PTBP2: variants seen among roughly 807,000 people sequenced by gnomAD.
PTBP2 encodes polypyrimidine tract binding protein 2.
A neutral mutation model predicts 61.4 loss-of-function variants in PTBP2; 13 were observed. The ratio of observed to expected loss-of-function variants is 0.21; its 90% CI spans 0.14 to 0.34. PTBP2 has a LOEUF of 0.34. PTBP2 is among the 10% of genes least tolerant of loss of function. PTBP2 has a pLI of 1.00. For missense variants in PTBP2, 405 were observed against 642.6 expected (o/e 0.63, Z 4.00); for synonymous variants, 215 against 218.5 (o/e 0.98, Z 0.14).
At chr1:96,781,617 T>C (rs969138827) in intron 7 of PTBP2, among the ~76,000 whole-genome samples, 1 of 151,980 alleles carries the variant, frequency 6.6e-6, no homozygotes, top group Admixed American at 6.6e-5. Context: ...AGCCTCTTCC[T>C]GAGATAAGTC....
rs772905950 is a variant in PTBP2, at chr1:96,723,452, TGA to T, written c.9-110_9-109del. 5.6e-5 allele frequency: 45 copies of T among 804,220 alleles called. No homozygotes were observed. The South Asian group carries it at 1.1e-3, about 19-fold the overall frequency. 49.8% of individuals were successfully genotyped at this position (804,220 alleles called of 1,614,324 possible). On this transcript the variant is annotated intron_variant, in intron 1 of 13. Coordinates refer to ENST00000674951, the MANE Select transcript of PTBP2 (RefSeq NM_021190.4). ...GGTATTTTTTATCCCCATCTGTGTG[TGA>T]GTGGCTGGAAGATTTATGAATGATG...
intron 5 of PTBP2, among the ~76,000 whole-genome samples, chr1:96,774,097 C>T (rs1657729447): frequency 6.7e-6 from 1 of 149,070 alleles, no homozygotes; most frequent in South Asian, 2.1e-4. Context: ...CCAGCCTCAG[C>T]AACAAAGCAA....
At chr1:96,802,039 G>A (rs1299762570) in intron 8 of PTBP2, among the ~76,000 whole-genome samples, 7 of 150,772 alleles carry the variant, frequency 4.6e-5, no homozygotes, top group African/African-American at 1.7e-4. Flanking sequence ...GTGAAACCCC[G>A]TTTCTACTAA....
intron 3 of PTBP2, among the ~76,000 whole-genome samples, chr1:96,760,549 G>A (rs974613166): frequency 2.7e-5 from 4 of 148,776 alleles, no homozygotes; most frequent in Admixed American, 6.8e-5. Flanking sequence ...GGGTTCAAGC[G>A]ATTCTCCTGC....
rs1571050870 is a variant in PTBP2, at chr1:96,813,533, T to C, written c.*128T>C. On this transcript the variant is annotated 3_prime_UTR_variant, in exon 14 of 14. Coordinates refer to ENST00000674951, the MANE Select transcript of PTBP2 (RefSeq NM_021190.4). ...GTTTTTTTGGGGTTTCTTTTTTTTT[T>C]CCATGCTGTTATCATTCCTTGGTTA... 6 of 897,718 alleles carry C rather than the reference T, an allele frequency of 6.7e-6. No individual in the cohort carries two copies. The highest frequency in any genetic ancestry group is 1.8e-5 in the African/African-American group (1 of 56,918). 55.6% of individuals were successfully genotyped at this position (897,718 alleles called of 1,614,324 possible).
intron 7 of PTBP2, among the ~76,000 whole-genome samples, chr1:96,778,841 A>G (rs1658333262): frequency 2.0e-5 from 3 of 152,028 alleles, no homozygotes. Flanking sequence ...GTTTCATTGC[A>G]TTTCCATCCA....
At position 96,804,783 on chromosome 1, in the gene PTBP2, A is replaced by G. The variant is rs1661345028; in HGVS notation, c.905-17A>G. On this transcript the variant is annotated splice_polypyrimidine_tract_variant and intron_variant, in intron 8 of 13. Coordinates refer to ENST00000674951, the MANE Select transcript of PTBP2 (RefSeq NM_021190.4). ...GTAAAATATGCTTTATTTTAAAATTAGGGCTTCCTGTTGCAGCTGTTCCAG... is the reference window on the plus strand; with the variant it reads ...GTAAAATATGCTTTATTTTAAAATTGGGGCTTCCTGTTGCAGCTGTTCCAG... The G allele has an allele frequency of 6.3e-7, 1 of 1,581,520 alleles. No individual in the cohort carries two copies. Among genetic ancestry groups the G allele is most frequent in the Non-Finnish European group, 8.6e-7 (1 of 1,164,888 alleles).
intron 2 of PTBP2, 56 bp from the exon 3 acceptor site, chr1:96,751,369 G>C (rs1654515598): frequency 7.6e-7 from 1 of 1,307,596 alleles, no homozygotes; most frequent in African/African-American, 1.5e-5. Flanking sequence ...AAGGCTTTTA[G>C]ATTAATATTT....
intron 8 of PTBP2, among the ~76,000 whole-genome samples, chr1:96,791,767 C>T (rs1330804522): frequency 6.8e-6 from 1 of 147,232 alleles, no homozygotes; most frequent in African/African-American, 2.5e-5. Flanking sequence ...AGGAATAGCT[C>T]AAAAATTATT....
downstream of PTBP2, chr1:96,818,130 T>C (rs985635324): frequency 1.3e-5 from 2 of 152,072 alleles, no homozygotes; most frequent in Non-Finnish European, 2.9e-5. Flanking sequence ...GCCACCCGTT[T>C]TGCACTTCTC....
At chr1:96,763,622 G>A (rs1656305343) in intron 3 of PTBP2, among the ~76,000 whole-genome samples, 1 of 121,876 alleles carries the variant, frequency 8.2e-6, no homozygotes, top group Non-Finnish European at 1.7e-5. Flanking sequence ...GGGGGAGGGG[G>A]AGGGGGAGGG....
At chr1:96,791,821 T>A (rs1234048529) in intron 8 of PTBP2, among the ~76,000 whole-genome samples, 1 of 133,024 alleles carries the variant, frequency 7.5e-6, no homozygotes, top group African/African-American at 3.0e-5. Context: ...TTGCTTGGAG[T>A]TGTGCTTTTT....
At position 96,751,501 on chromosome 1, in the gene PTBP2, G is replaced by A. The variant is rs1475556041; in HGVS notation, c.115+1G>A. The A allele has an allele frequency of 6.2e-7, 1 of 1,608,060 alleles. No homozygotes were observed. The highest frequency in any genetic ancestry group is 1.3e-5 in the African/African-American group (1 of 74,704). On this transcript the variant is annotated splice_donor_variant, in intron 3 of 13. Transcript: ENST00000674951. LOFTEE classifies it high-confidence loss of function. Reference sequence around the variant, plus strand: ...AATATGAGCAGCATGGTAGTTACAGGTAAGTGTTACTCTCTTAGCAGTCTG... The same window carrying A: ...AATATGAGCAGCATGGTAGTTACAGATAAGTGTTACTCTCTTAGCAGTCTG...
intron 2 of PTBP2, among the ~76,000 whole-genome samples, chr1:96,727,981 G>T (rs1650823172): frequency 6.6e-6 from 1 of 151,840 alleles, no homozygotes; most frequent in Non-Finnish European, 1.5e-5. Flanking sequence ...CCTTTTGTTT[G>T]TTAATAATAA....
At chr1:96,724,492 C>T (rs1650094178) in intron 2 of PTBP2, among the ~76,000 whole-genome samples, 1 of 151,912 alleles carries the variant, frequency 6.6e-6, no homozygotes, top group African/African-American at 2.4e-5. Flanking sequence ...CATGATCTGC[C>T]TGCCTCTTAT....
chr1:96,755,114 G>T (rs756046481), intron 3 of PTBP2, among the ~76,000 whole-genome samples: 3 of 152,108 alleles, frequency 2.0e-5, no homozygotes, highest in Admixed American at 6.5e-5. Flanking sequence ...CTTCTATCCA[G>T]AATATTAAAA....
At chr1:96,734,312 T>G (rs772618541) in intron 2 of PTBP2, among the ~76,000 whole-genome samples, 7 of 152,202 alleles carry the variant, frequency 4.6e-5, no homozygotes, top group Non-Finnish European at 8.8e-5. Context: ...GGCTTCAGTG[T>G]ATATCTTTAA....
At chr1:96,737,226 A>G (rs552086886) in intron 2 of PTBP2, among the ~76,000 whole-genome samples, 6 of 152,188 alleles carry the variant, frequency 3.9e-5, no homozygotes, top group African/African-American at 1.4e-4. Flanking sequence ...CTGGCCTCCC[A>G]AAGTGCTGGG....
At chr1:96,761,229 A>G (rs975802539) in intron 3 of PTBP2, among the ~76,000 whole-genome samples, 1 of 152,180 alleles carries the variant, frequency 6.6e-6, no homozygotes, top group Non-Finnish European at 1.5e-5. Context: ...TGTTTGAAGC[A>G]GTAGATTATC....
Sources: gnomAD v4.1 joint callset for allele counts (sites outside exome capture counted in the v4.1 genomes callset) on GRCh38, gnomAD v4.1.1 for gene constraint, MANE v1.5 for transcripts, NCBI Gene and HGNC (gene_info 2026-07-23, HGNC 2026-07-21) for gene names.